PIP5K1B: variants seen among roughly 807,000 people sequenced by gnomAD.
PIP5K1B encodes the protein phosphatidylinositol 4-phosphate 5-kinase type-1 beta.
PIP5K1B carries 42 observed loss-of-function variants against 67.0 expected under a neutral mutation model. That is an observed-to-expected ratio of 0.63 (90% CI 0.49 to 0.81). PIP5K1B has a LOEUF of 0.81. Among genes scored for constraint, PIP5K1B ranks in the 30% least tolerant of loss-of-function variants. The pLI is 0.00. For missense variants in PIP5K1B, 459 were observed against 646.3 expected, an observed-to-expected ratio of 0.71 and a Z score of 3.14; for synonymous variants, 214 against 231.4, an observed-to-expected ratio of 0.92 and a Z score of 0.68.
intron 7 of PIP5K1B, among the ~76,000 whole-genome samples, chr9:68,891,973 TAAAC>T (rs1223532210): frequency 6.6e-6 from 1 of 152,094 alleles, no homozygotes; most frequent in Non-Finnish European, 1.5e-5. Flanking sequence ...GTGGAAAACA[TAAAC>T]AATCAGTTCA....
intron 15 of PIP5K1B, among the ~76,000 whole-genome samples, chr9:69,007,492 T>A (rs1322952974): frequency 1.3e-5 from 2 of 152,246 alleles, no homozygotes; most frequent in Non-Finnish European, 2.9e-5. Context: ...AAGTAGAGTT[T>A]GTTACCTCCA....
intron 14 of PIP5K1B, among the ~76,000 whole-genome samples, chr9:68,989,253 G>A (rs988642189): frequency 5.3e-5 from 8 of 152,096 alleles, no homozygotes; most frequent in East Asian, 3.9e-4. Context: ...GTTCCCAGAC[G>A]CGGGAAAGAC....
chr9:68,888,813 T>C (rs749341617), intron 6 of PIP5K1B, among the ~76,000 whole-genome samples, 168 bp from the exon 7 acceptor site: 1 of 152,150 alleles, frequency 6.6e-6, no homozygotes. Flanking sequence ...ATTAAATCTT[T>C]AGAAATCTCA....
intron 4 of PIP5K1B, among the ~76,000 whole-genome samples, chr9:68,830,860 C>T (rs1020666503): frequency 3.3e-5 from 5 of 152,174 alleles, no homozygotes; most frequent in Non-Finnish European, 5.9e-5. Context: ...GGTGTTCACT[C>T]GCTTCCCTGC....
At chr9:68,826,339 G>A (rs1408388838) in intron 4 of PIP5K1B, among the ~76,000 whole-genome samples, 1 of 152,200 alleles carries the variant, frequency 6.6e-6, no homozygotes, top group Non-Finnish European at 1.5e-5. Context: ...TTCCTTAAAA[G>A]GGGCAGCAGG....
At chr9:68,789,146 C>T in intron 2 of PIP5K1B, 3 of 580,922 alleles carry the variant, frequency 5.2e-6, no homozygotes, top group South Asian at 4.4e-5. Context: ...TGGTGTATTT[C>T]ACCCCAGTAC....
intron 14 of PIP5K1B, among the ~76,000 whole-genome samples, chr9:68,951,589 C>G (rs1407987571): frequency 1.3e-5 from 2 of 152,096 alleles, no homozygotes; most frequent in East Asian, 3.8e-4. Context: ...CCCTGTTCAC[C>G]CTCCTGCCTT....
At chr9:68,973,836 AG>A in intron 14 of PIP5K1B, among the ~76,000 whole-genome samples, 1 of 152,330 alleles carries the variant, frequency 6.6e-6, no homozygotes, top group South Asian at 2.1e-4. Flanking sequence ...AGGCACAGGC[AG>A]GGCCTTCAGC....
chr9:68,805,314 C>G (rs563218598), intron 2 of PIP5K1B, among the ~76,000 whole-genome samples: 1 of 152,134 alleles, frequency 6.6e-6, no homozygotes, highest in South Asian at 2.1e-4. Flanking sequence ...TGCAAGGCCT[C>G]GAATACCTGG....
At chr9:68,900,330 A>G (rs982534110) in intron 8 of PIP5K1B, among the ~76,000 whole-genome samples, 1 of 152,242 alleles carries the variant, frequency 6.6e-6, no homozygotes, top group African/African-American at 2.4e-5. Flanking sequence ...CTGCAGCTGC[A>G]GCACCTGGCT....
intron 4 of PIP5K1B, among the ~76,000 whole-genome samples, chr9:68,823,064 A>G (rs1833809205): frequency 6.6e-6 from 1 of 152,174 alleles, no homozygotes; most frequent in Non-Finnish European, 1.5e-5. Context: ...CCCAGGCTGT[A>G]TCACTCTGAC....
intron 8 of PIP5K1B, among the ~76,000 whole-genome samples, chr9:68,916,621 C>G (rs563155000): frequency 2.6e-5 from 4 of 152,122 alleles, no homozygotes; most frequent in Non-Finnish European, 5.9e-5. Context: ...CACCTGTAAT[C>G]CCAGCACTTT....
At chr9:68,842,778 G>A (rs931794420) in intron 4 of PIP5K1B, among the ~76,000 whole-genome samples, 4 of 152,236 alleles carry the variant, frequency 2.6e-5, no homozygotes, top group African/African-American at 9.6e-5. Flanking sequence ...CATCAAAGAA[G>A]TCTCGAATCC....
chr9:68,898,908 G>A (rs1014850482), intron 8 of PIP5K1B, among the ~76,000 whole-genome samples: 2 of 152,164 alleles, frequency 1.3e-5, no homozygotes, highest in Admixed American at 1.3e-4. Context: ...CCCCACCACT[G>A]CTGCCAGACT....
At chr9:68,845,004 A>G (rs946542051) in intron 4 of PIP5K1B, among the ~76,000 whole-genome samples, 4 of 152,246 alleles carry the variant, frequency 2.6e-5, no homozygotes, top group Non-Finnish European at 5.9e-5. Context: ...ATCATACAAA[A>G]CAAGTGGCTT....
chr9:68,793,987 C>T (rs1422846977), intron 2 of PIP5K1B, among the ~76,000 whole-genome samples: 2 of 152,162 alleles, frequency 1.3e-5, no homozygotes, highest in Admixed American at 6.5e-5. Context: ...GAGAGCACGG[C>T]GCTTTAGAAA....
intron 8 of PIP5K1B, among the ~76,000 whole-genome samples, chr9:68,901,686 A>G (rs1216793472): frequency 1.3e-5 from 2 of 152,260 alleles, no homozygotes; most frequent in Non-Finnish European, 2.9e-5. Context: ...CAGTATAAGC[A>G]TAAAGCAAAG....
chr9:68,944,740 A>C (rs1399930078), intron 14 of PIP5K1B, among the ~76,000 whole-genome samples: 2 of 152,182 alleles, frequency 1.3e-5, no homozygotes, highest in African/African-American at 4.8e-5. Context: ...CAGTGTCATA[A>C]ACCTAGAACA....
chr9:68,781,590 G>A (rs1379443843), intron 2 of PIP5K1B: 1 of 166,594 alleles, frequency 6.0e-6, no homozygotes, highest in Non-Finnish European at 1.5e-5. Flanking sequence ...ATGGGAGGGG[G>A]AATGATTAAA....
Sources: gnomAD v4.1 joint callset for allele counts (sites outside exome capture counted in the v4.1 genomes callset) on GRCh38, gnomAD v4.1.1 for gene constraint, MANE v1.5 for transcripts, NCBI Gene and HGNC (gene_info 2026-07-23, HGNC 2026-07-21) for gene names.